The following NTM variants were observed in gnomAD, a reference collection of about 807,000 sequenced individuals.
NTM encodes the protein neurotrimin, also known as IgLON family member 2.
Under a neutral mutation model 42.1 loss-of-function variants are expected in NTM, and 13 were observed. The ratio of observed to expected loss-of-function variants is 0.31; its 90% CI spans 0.20 to 0.49. NTM has a LOEUF of 0.49. NTM is among the 20% of genes least tolerant of loss of function. The pLI is 0.99. For synonymous variants in NTM, 187 were observed against 179.2 expected, an observed-to-expected ratio of 1.04 and a Z score of -0.35; for missense variants, 373 against 452.8, an observed-to-expected ratio of 0.82 and a Z score of 1.60.
intron 2 of NTM, among the ~76,000 whole-genome samples, chr11:132,134,115 G>T (rs539761686): frequency 6.6e-6 from 1 of 152,120 alleles, no homozygotes; most frequent in African/African-American, 2.4e-5. Context: ...TGTAAACAGG[G>T]TCTCACCATG....
At chr11:131,579,159 G>A (rs1043294804) in intron 1 of NTM, among the ~76,000 whole-genome samples, 2 of 152,160 alleles carry the variant, frequency 1.3e-5, no homozygotes, top group African/African-American at 4.8e-5. Flanking sequence ...CTGCTGTAGG[G>A]TCACATGGAC....
intron 1 of NTM, among the ~76,000 whole-genome samples, chr11:131,529,423 T>C (rs1591950073): frequency 6.6e-6 from 1 of 152,278 alleles, no homozygotes; most frequent in Admixed American, 6.5e-5. Flanking sequence ...AAAATTAGAC[T>C]CTCAACCTTG....
chr11:131,434,441 C>T (rs1565496549), intron 1 of NTM, among the ~76,000 whole-genome samples: 1 of 152,198 alleles, frequency 6.6e-6, no homozygotes, highest in Non-Finnish European at 1.5e-5. Context: ...ACATCCTTTC[C>T]AGCATCTGTT....
At chr11:131,397,437 G>C (rs924439397) in intron 1 of NTM, among the ~76,000 whole-genome samples, 1 of 152,152 alleles carries the variant, frequency 6.6e-6, no homozygotes, top group African/African-American at 2.4e-5. Context: ...CTAGTCCAAG[G>C]CTGATGTATT....
chr11:131,779,529 C>T (rs1445397938), intron 1 of NTM, among the ~76,000 whole-genome samples: 1 of 151,986 alleles, frequency 6.6e-6, no homozygotes, highest in Non-Finnish European at 1.5e-5. Flanking sequence ...TAGTCTGTGC[C>T]GTTTATTTTT....
intron 1 of NTM, among the ~76,000 whole-genome samples, chr11:131,541,931 G>A (rs1044709775): frequency 2.6e-5 from 4 of 152,130 alleles, no homozygotes; most frequent in Admixed American, 2.0e-4. Context: ...CAGGCTCAAT[G>A]TTAACTAAAT....
intron 1 of NTM, among the ~76,000 whole-genome samples, chr11:131,819,536 A>C (rs2093092583): frequency 6.6e-6 from 1 of 152,232 alleles, no homozygotes; most frequent in South Asian, 2.1e-4. Context: ...AAAAATCTCC[A>C]AAGTCATCCA....
At chr11:132,112,670 G>T (rs2063366674) in intron 2 of NTM, among the ~76,000 whole-genome samples, 1 of 151,046 alleles carries the variant, frequency 6.6e-6, no homozygotes, top group South Asian at 2.1e-4. Flanking sequence ...GCAAAACTTG[G>T]ACCGAATGCT....
chr11:131,796,097 G>T, intron 1 of NTM: 1 of 985,388 alleles, frequency 1.0e-6, no homozygotes, highest in Non-Finnish European at 1.2e-6. Flanking sequence ...TTATTTTCCC[G>T]GGGGAAATCT....
At chr11:132,055,098 G>A (rs76457507) in intron 2 of NTM, among the ~76,000 whole-genome samples, 9,420 of 151,816 alleles carry the variant, frequency 0.062, 1 homozygote, top group Non-Finnish European at 0.096. Context: ...AATGGAGTGA[G>A]GCAGATTGCA....
At chr11:131,570,063 A>G (rs969539924) in intron 1 of NTM, among the ~76,000 whole-genome samples, 3 of 152,174 alleles carry the variant, frequency 2.0e-5, no homozygotes, top group Non-Finnish European at 2.9e-5. Flanking sequence ...CATTCTTCCC[A>G]GATATCATTT....
chr11:132,014,838 A>G (rs1242107768), intron 2 of NTM, among the ~76,000 whole-genome samples: 1 of 147,728 alleles, frequency 6.8e-6, no homozygotes, highest in Non-Finnish European at 1.5e-5. Flanking sequence ...CCCATTCCAC[A>G]GGTGTCTCTT....
intron 1 of NTM, among the ~76,000 whole-genome samples, chr11:131,752,434 G>A (rs1297596776): frequency 1.3e-5 from 2 of 152,210 alleles, no homozygotes; most frequent in Non-Finnish European, 2.9e-5. Flanking sequence ...CTTTTACATC[G>A]CTGGTGGGAC....
chr11:131,549,269 A>G (rs2054330721), intron 1 of NTM, among the ~76,000 whole-genome samples: 1 of 152,178 alleles, frequency 6.6e-6, no homozygotes, highest in Non-Finnish European at 1.5e-5. Flanking sequence ...TGTTTATCTG[A>G]GATGGTACCT....
chr11:131,733,947 A>G (rs1234811596), intron 1 of NTM, among the ~76,000 whole-genome samples: 11 of 152,256 alleles, frequency 7.2e-5, no homozygotes, highest in Non-Finnish European at 1.6e-4. Context: ...ACCTGATATT[A>G]TGATAATGTT....
At position 131,375,947 on chromosome 11, in the gene NTM, C is replaced by A. The variant is rs534587649; in HGVS notation, c.82+5059C>A. Among the ~76,000 whole-genome samples, 19 of 152,322 alleles carry A rather than the reference C, an allele frequency of 1.2e-4. 1 individual carries two copies. The South Asian group carries it at 3.9e-3, about 32-fold the overall frequency. ...CCTCCTTCTCTCCTTCTGCCCACTC[C>A]CCCTACTTCTCTGTTCTTCACCTTC... On this transcript the variant is annotated intron_variant, in intron 1 of 8. Coordinates refer to ENST00000683400, the MANE Select transcript of NTM (RefSeq NM_001352005.2).
At chr11:131,417,560 C>T (rs2135800331) in intron 1 of NTM, among the ~76,000 whole-genome samples, 1 of 152,166 alleles carries the variant, frequency 6.6e-6, no homozygotes, top group East Asian at 1.9e-4. Context: ...GTAAACTCTC[C>T]AGGGAATTTA....
At chr11:131,800,341 T>C (rs1346681092) in intron 1 of NTM, among the ~76,000 whole-genome samples, 3 of 152,198 alleles carry the variant, frequency 2.0e-5, no homozygotes, top group Non-Finnish European at 4.4e-5. Context: ...TGCCCATCAT[T>C]CTGTGTTTGT....
chr11:132,008,674 T>C (rs188512413), intron 2 of NTM, among the ~76,000 whole-genome samples: 153 of 152,204 alleles, frequency 1.0e-3, no homozygotes, highest in African/African-American at 3.6e-3. Context: ...TGAAAACATG[T>C]CTGTTTCACA....
Sources: gnomAD v4.1 joint callset for allele counts (sites outside exome capture counted in the v4.1 genomes callset) on GRCh38, gnomAD v4.1.1 for gene constraint, MANE v1.5 for transcripts, NCBI Gene and HGNC (gene_info 2026-07-23, HGNC 2026-07-21) for gene names.